The following CARNMT1 variants were observed in gnomAD, a reference collection of about 807,000 sequenced individuals.
CARNMT1 encodes carnosine N-methyltransferase 1.
CARNMT1 carries 28 observed loss-of-function variants against 49.6 expected under a neutral mutation model. The observed-to-expected ratio is 0.56, with a 90% CI of 0.42 to 0.77. The LOEUF is 0.77. Among genes scored for constraint, CARNMT1 ranks in the 30% least tolerant of loss-of-function variants. The pLI is 0.00. For missense variants in CARNMT1, 421 were observed against 512.6 expected, an observed-to-expected ratio of 0.82 and a Z score of 1.73; for synonymous variants, 178 against 175.0, an observed-to-expected ratio of 1.02 and a Z score of -0.13.
intron 1 of CARNMT1, among the ~76,000 whole-genome samples, chr9:75,024,920 T>C (rs1206175800): frequency 6.6e-6 from 1 of 151,974 alleles, no homozygotes; most frequent in East Asian, 1.9e-4. Flanking sequence ...AACTGACAGA[T>C]ATGTTGTATG....
intron 6 of CARNMT1, among the ~76,000 whole-genome samples, chr9:74,987,706 C>T (rs1832885965): frequency 6.6e-6 from 1 of 151,870 alleles, no homozygotes. Flanking sequence ...GCCATGGTTA[C>T]ACAATTATCC....
intron 3 of CARNMT1, among the ~76,000 whole-genome samples, chr9:75,000,522 A>G (rs903163947): frequency 6.6e-6 from 1 of 152,154 alleles, no homozygotes; most frequent in African/African-American, 2.4e-5. Context: ...CTGCCATTAC[A>G]TATTTCCTTC....
At chr9:75,022,951 G>A (rs1231856287) in intron 1 of CARNMT1, among the ~76,000 whole-genome samples, 1 of 151,932 alleles carries the variant, frequency 6.6e-6, no homozygotes, top group Non-Finnish European at 1.5e-5. Flanking sequence ...GAACATCCTG[G>A]CTAACACAGT....
chr9:75,019,446 T>C (rs994589410), intron 1 of CARNMT1, among the ~76,000 whole-genome samples: 2 of 152,234 alleles, frequency 1.3e-5, no homozygotes, highest in South Asian at 2.1e-4. Flanking sequence ...TCTCCATTAA[T>C]GCAACCAGGC....
intron 3 of CARNMT1, among the ~76,000 whole-genome samples, chr9:75,015,165 T>C (rs1001032157): frequency 6.6e-5 from 10 of 152,098 alleles, no homozygotes; most frequent in African/African-American, 2.2e-4. Context: ...TGGGAAAAAA[T>C]TACATTTTAA....
intron 1 of CARNMT1, chr9:75,026,921 C>A: frequency 2.8e-6 from 1 of 352,712 alleles, no homozygotes; most frequent in South Asian, 2.4e-5. Flanking sequence ...ATAAAAAAGA[C>A]TCAGCCCCTG....
intron 6 of CARNMT1, among the ~76,000 whole-genome samples, chr9:74,985,472 A>G (rs1255912565): frequency 6.6e-6 from 1 of 152,228 alleles, no homozygotes; most frequent in African/African-American, 2.4e-5. Flanking sequence ...AAGAAGTAAC[A>G]TTAGAGCTGG....
At chr9:74,989,322 C>G (rs1480620118) in intron 6 of CARNMT1, among the ~76,000 whole-genome samples, 2 of 151,992 alleles carry the variant, frequency 1.3e-5, no homozygotes, top group African/African-American at 4.8e-5. Context: ...GCTGTGTTGC[C>G]CAGGCTGGTC....
chr9:74,992,998 T>C (rs987443535), intron 6 of CARNMT1, among the ~76,000 whole-genome samples: 1 of 152,216 alleles, frequency 6.6e-6, no homozygotes, highest in Non-Finnish European at 1.5e-5. Flanking sequence ...TAGATGGCAC[T>C]TCATCATCTC....
chr9:75,002,641 C>A (rs1331152342), intron 3 of CARNMT1, among the ~76,000 whole-genome samples: 2 of 152,088 alleles, frequency 1.3e-5, no homozygotes, highest in Non-Finnish European at 2.9e-5. Context: ...GTGGCATAGC[C>A]CTGCTCTGCA....
chr9:74,986,546 T>C (rs1832846330), intron 6 of CARNMT1, among the ~76,000 whole-genome samples: 2 of 152,194 alleles, frequency 1.3e-5, no homozygotes, highest in African/African-American at 4.8e-5. Context: ...GCAGAGTCTT[T>C]CCAGCTTTTA....
chr9:74,992,135 G>T (rs1833041991), intron 6 of CARNMT1, among the ~76,000 whole-genome samples: 1 of 152,002 alleles, frequency 6.6e-6, no homozygotes, highest in African/African-American at 2.4e-5. Context: ...AGCCAGGTGT[G>T]GTGGCGCACG....
chr9:75,011,355 TCC>T (rs1162244365), intron 3 of CARNMT1, among the ~76,000 whole-genome samples: 1 of 152,118 alleles, frequency 6.6e-6, no homozygotes, highest in Non-Finnish European at 1.5e-5. Flanking sequence ...TGATGAGATG[TCC>T]CTCCTGTGAT....
chr9:75,016,533 A>T (rs1587299630), intron 2 of CARNMT1, 102 bp from the exon 3 acceptor site: 1 of 1,044,044 alleles, frequency 9.6e-7, no homozygotes, highest in East Asian at 2.4e-5. Context: ...GGTTTAGTGG[A>T]TAAATCACTA....
chr9:75,017,225 A>C (rs751981654), intron 2 of CARNMT1, 28 bp downstream of exon 2: 1 of 1,572,676 alleles, frequency 6.4e-7, no homozygotes, highest in South Asian at 1.1e-5. Context: ...CCCTAAAATA[A>C]ACAGAAATAG....
At chr9:75,028,337 G>T, upstream of CARNMT1, 2 of 1,310,016 alleles carry the variant, frequency 1.5e-6, no homozygotes, top group Non-Finnish European at 1.9e-6. Flanking sequence ...CGCCCGCCGC[G>T]GACATGCCCC....
chr9:75,016,552 C>A, intron 2 of CARNMT1, 121 bp from the exon 3 acceptor site: 3 of 864,496 alleles, frequency 3.5e-6, no homozygotes, highest in Non-Finnish European at 5.3e-6. Flanking sequence ...TAGCCTCTCA[C>A]CTCAACTGGG....
At position 74,982,582 on chromosome 9, in the gene CARNMT1, G is replaced by C. The variant is rs1832717322; in HGVS notation, c.*1185C>G. On this transcript the variant is annotated 3_prime_UTR_variant, in exon 8 of 8. Coordinates refer to ENST00000376834, the MANE Select transcript of CARNMT1 (RefSeq NM_152420.3). ...TGCTGCTTACAATATTGAAGACACA[G>C]ACCACGGGCAGTAATATATCCCTGA... 1 of 152,144 alleles carries C rather than the reference G, an allele frequency of 6.6e-6. No individual in the cohort carries two copies. The highest frequency in any genetic ancestry group is 1.5e-5 in the Non-Finnish European group (1 of 68,026). The allele number at this position is 152,144 out of a possible 1,614,324, so 9.4% of individuals were successfully genotyped here.
intron 1 of CARNMT1, among the ~76,000 whole-genome samples, chr9:75,018,061 C>CTTA (rs1289460263): frequency 3.3e-5 from 5 of 151,932 alleles, no homozygotes; most frequent in African/African-American, 1.2e-4. Context: ...CTTATATTTA[C>CTTA]TTATTATTAT....
Sources: allele counts gnomAD v4.1 joint callset (sites outside exome capture counted in the v4.1 genomes callset), GRCh38; gene constraint gnomAD v4.1.1; transcripts MANE v1.5; gene names NCBI Gene and HGNC (gene_info 2026-07-23, HGNC 2026-07-21).